Variants in DCLK2 observed in about 807,000 individuals in gnomAD.
DCLK2 encodes doublecortin like kinase 2.
DCLK2 carries 31 observed loss-of-function variants against 78.4 expected under a neutral mutation model. That is an observed-to-expected ratio of 0.40 (90% CI 0.30 to 0.53). The LOEUF (loss-of-function observed/expected upper bound fraction) is 0.53, where lower values mean the gene tolerates loss of function less well. Ranked by LOEUF, DCLK2 falls within the 20% of genes least tolerant of loss-of-function variation. The pLI is 0.61. For missense variants in DCLK2, 872 were observed against 973.7 expected, an observed-to-expected ratio of 0.90 and a Z score of 1.39; for synonymous variants, 407 against 374.9, an observed-to-expected ratio of 1.09 and a Z score of -0.99.
intron 1 of DCLK2, among the ~76,000 whole-genome samples, chr4:150,089,413 T>G (rs938689664): frequency 6.6e-6 from 1 of 152,326 alleles, no homozygotes; most frequent in Admixed American, 6.5e-5. Context: ...TGCCTCTATT[T>G]AAATGCACCA....
chr4:150,169,058 C>A (rs1178203920), intron 2 of DCLK2, among the ~76,000 whole-genome samples: 1 of 151,958 alleles, frequency 6.6e-6, no homozygotes, highest in Admixed American at 6.6e-5. Context: ...CCCCACCCCC[C>A]GTAATTCCTT....
intron 2 of DCLK2, among the ~76,000 whole-genome samples, chr4:150,122,995 G>A (rs1159906269): frequency 4.6e-5 from 7 of 152,184 alleles, no homozygotes; most frequent in African/African-American, 1.7e-4. Context: ...AACAGAATTA[G>A]GACCTTGCTT....
chr4:150,152,440 C>G (rs1734966328), intron 2 of DCLK2, among the ~76,000 whole-genome samples: 1 of 152,178 alleles, frequency 6.6e-6, no homozygotes, highest in Non-Finnish European at 1.5e-5. Context: ...CACCACCACA[C>G]CCAGCTAATT....
At chr4:150,086,720 A>G (rs1056043902) in intron 1 of DCLK2, among the ~76,000 whole-genome samples, 2 of 151,994 alleles carry the variant, frequency 1.3e-5, no homozygotes, top group African/African-American at 4.8e-5. Context: ...GTTAGCCAGG[A>G]TGGTCTCGAT....
At chr4:150,089,578 T>G (rs778866385) in intron 1 of DCLK2, among the ~76,000 whole-genome samples, 1 of 152,170 alleles carries the variant, frequency 6.6e-6, no homozygotes, top group African/African-American at 2.4e-5. Flanking sequence ...AAAAACAATA[T>G]AAAAATCCAG....
intron 2 of DCLK2, among the ~76,000 whole-genome samples, chr4:150,125,079 T>C (rs1018485088): frequency 6.6e-6 from 1 of 152,232 alleles, no homozygotes; most frequent in Non-Finnish European, 1.5e-5. Context: ...ACTAGCAGTA[T>C]TGTTTCAGAC....
intron 2 of DCLK2, among the ~76,000 whole-genome samples, chr4:150,136,750 A>C (rs552534784): frequency 2.0e-5 from 3 of 152,124 alleles, no homozygotes; most frequent in Non-Finnish European, 4.4e-5. Context: ...CAAGTCTCCA[A>C]ACTTGGTTCA....
intron 2 of DCLK2, among the ~76,000 whole-genome samples, chr4:150,174,811 AC>A (rs1336458606): frequency 5.3e-5 from 8 of 150,398 alleles, no homozygotes; most frequent in Non-Finnish European, 1.2e-4. Context: ...AGCCTGACCA[AC>A]ATGGTGAAAC....
At chr4:150,253,300 G>A (rs1474992626) in intron 15 of DCLK2, 2 of 653,184 alleles carry the variant, frequency 3.1e-6, no homozygotes, top group South Asian at 2.8e-5. Context: ...ACCGTCTGGA[G>A]GTTGAATCAT....
In DCLK2 at chr4:150,085,622, G is replaced by C. The variant is rs536137753; in HGVS notation, c.421+6174G>C. On this transcript the variant is annotated intron_variant, in intron 1 of 15. Coordinates refer to ENST00000296550, the MANE Select transcript of DCLK2 (RefSeq NM_001040260.4). ...TGGGAGATGTGTTCAACCCACAGCA[G>C]GAGGTGAATAAATCATAAAGGCAGA... 3.3e-5 allele frequency among the ~76,000 whole-genome samples: 5 copies of C among 152,242 alleles called. No homozygotes were observed. In the South Asian group the frequency reaches 1.0e-3, roughly 32 times the overall value.
intron 2 of DCLK2, among the ~76,000 whole-genome samples, chr4:150,161,368 C>T (rs1205446826): frequency 6.6e-6 from 1 of 151,782 alleles, no homozygotes; most frequent in Non-Finnish European, 1.5e-5. Context: ...GATAGGCCTT[C>T]CCTCAAGAGC....
At chr4:150,239,612 A>AT in intron 10 of DCLK2, 130 bp from the exon 11 acceptor site, 1 of 1,282,670 alleles carries the variant, frequency 7.8e-7, no homozygotes, top group South Asian at 1.5e-5. Flanking sequence ...AAAAAAAAAA[A>AT]TCACAAGGAG....
chr4:150,098,732 G>A (rs994739162), intron 1 of DCLK2, among the ~76,000 whole-genome samples: 11 of 130,116 alleles, frequency 8.5e-5, no homozygotes, highest in Non-Finnish European at 1.3e-4. Flanking sequence ...TCTCATTCTT[G>A]TCACCCAGGC....
intron 2 of DCLK2, among the ~76,000 whole-genome samples, chr4:150,125,721 C>G (rs778140764): frequency 5.3e-5 from 8 of 152,060 alleles, no homozygotes; most frequent in Non-Finnish European, 1.2e-4. Context: ...GAAACCCCAT[C>G]TCTACTAAAA....
At chr4:150,201,180 A>T (rs1739421818) in intron 4 of DCLK2, among the ~76,000 whole-genome samples, 1 of 152,184 alleles carries the variant, frequency 6.6e-6, no homozygotes, top group Non-Finnish European at 1.5e-5. Flanking sequence ...GTATTCAAAG[A>T]AAACAAAAAA....
intron 3 of DCLK2, 146 bp downstream of exon 3, chr4:150,193,386 G>A (rs763097895): frequency 1.5e-4 from 68 of 466,004 alleles, no homozygotes; most frequent in East Asian, 9.4e-5. Context: ...TTGAACCAAT[G>A]AAAATAAAGA....
At chr4:150,190,053 GC>G (rs201811208) in intron 2 of DCLK2, among the ~76,000 whole-genome samples, 1 of 12,980 alleles carries the variant, frequency 7.7e-5, no homozygotes, top group South Asian at 2.7e-3. Flanking sequence ...AAAAAAAAAG[GC>G]CAAGTGTGGT....
At chr4:150,139,509 A>T (rs1338995320) in intron 2 of DCLK2, among the ~76,000 whole-genome samples, 2 of 152,220 alleles carry the variant, frequency 1.3e-5, no homozygotes, top group African/African-American at 2.4e-5. Context: ...GTGCTAACTT[A>T]CACAGGAGCA....
chr4:150,181,243 C>T (rs551347985), intron 2 of DCLK2, among the ~76,000 whole-genome samples: 6 of 152,252 alleles, frequency 3.9e-5, no homozygotes, highest in East Asian at 3.9e-4. Context: ...GTGATCCTTA[C>T]GATGGGGAAG....
Sources: gnomAD v4.1 joint callset for allele counts (sites outside exome capture counted in the v4.1 genomes callset) on GRCh38, gnomAD v4.1.1 for gene constraint, MANE v1.5 for transcripts, NCBI Gene and HGNC (gene_info 2026-07-23, HGNC 2026-07-21) for gene names.